PAK3: variants seen among roughly 807,000 people sequenced by gnomAD.
The protein encoded by PAK3 is serine/threonine-protein kinase PAK 3.
PAK3 carries 4 observed loss-of-function variants against 41.0 expected under a neutral mutation model. The ratio of observed to expected loss-of-function variants is 0.10; its 90% CI spans 0.05 to 0.22. The LOEUF (loss-of-function observed/expected upper bound fraction) is 0.22. PAK3 is among the 10% of genes least tolerant of loss of function. The probability of loss-of-function intolerance (pLI) is 1.00; values close to 1 mark genes in which losing one functional copy is unlikely to be tolerated. For missense variants in PAK3, 205 were observed against 409.9 expected, an observed-to-expected ratio of 0.50 and a Z score of 4.32; for synonymous variants, 146 against 139.6, an observed-to-expected ratio of 1.05 and a Z score of -0.32.
At chrX:111,005,284 CAG>C (rs2091905891) in intron 1 of PAK3, among the ~76,000 whole-genome samples, 1 of 111,332 alleles carries the variant, frequency 9.0e-6, no homozygotes, top group Non-Finnish European at 1.9e-5. Flanking sequence ...GCTTGAGAAA[CAG>C]TGCTGCACCC....
chrX:110,995,405 G>A (rs771478117), intron 1 of PAK3, among the ~76,000 whole-genome samples: 3 of 111,172 alleles, frequency 2.7e-5, no homozygotes, highest in South Asian at 3.9e-4. Flanking sequence ...AAGATTTTCA[G>A]AAACCAATGG....
chrX:111,000,052 C>G (rs1466036307), intron 1 of PAK3, among the ~76,000 whole-genome samples: 3 of 111,699 alleles, frequency 2.7e-5, no homozygotes, highest in African/African-American at 9.8e-5. Flanking sequence ...CACTGGGGCA[C>G]ATACTACTTG....
At chrX:111,061,883 C>T (rs1030451430) in intron 1 of PAK3, among the ~76,000 whole-genome samples, 6 of 110,597 alleles carry the variant, frequency 5.4e-5, no homozygotes, top group Non-Finnish European at 7.6e-5. Flanking sequence ...GGCACAATCA[C>T]GGCTCACTGC....
At chrX:110,955,667 C>T (rs940507881) in intron 1 of PAK3, among the ~76,000 whole-genome samples, 11 of 111,663 alleles carry the variant, frequency 9.9e-5, no homozygotes, top group African/African-American at 3.3e-4. Context: ...AGGGAGAAAC[C>T]AAGAAACTAC....
At chrX:111,066,495 T>C (rs745684061) in intron 1 of PAK3, among the ~76,000 whole-genome samples, 1 of 112,084 alleles carries the variant, frequency 8.9e-6, no homozygotes, top group Non-Finnish European at 1.9e-5. Flanking sequence ...ATGTGGTCCA[T>C]CTTGGAGTAT....
intron 1 of PAK3, among the ~76,000 whole-genome samples, chrX:110,989,184 C>T (rs1325747651): frequency 2.7e-5 from 3 of 111,625 alleles, no homozygotes; most frequent in Non-Finnish European, 5.6e-5. Context: ...AATGTGGTCA[C>T]TTTGCCAGTG....
chrX:111,104,628 C>T (rs1168976598), intron 4 of PAK3, among the ~76,000 whole-genome samples: 3 of 111,834 alleles, frequency 2.7e-5, no homozygotes, highest in Non-Finnish European at 3.8e-5. Context: ...GCCCCTGAAT[C>T]GCTCTTTGGT....
chrX:111,030,403 C>T (rs2092326203), intron 1 of PAK3, among the ~76,000 whole-genome samples: 2 of 111,277 alleles, frequency 1.8e-5, no homozygotes, highest in African/African-American at 6.5e-5. Flanking sequence ...CTTAGTTCAA[C>T]TCAACAATTG....
intron 3 of PAK3, among the ~76,000 whole-genome samples, chrX:111,100,771 T>A (rs1343758002): frequency 9.0e-6 from 1 of 111,333 alleles, no homozygotes; most frequent in Non-Finnish European, 1.9e-5. Flanking sequence ...CAGACAGAGA[T>A]TCTGTCAGGA....
chrX:111,013,480 C>T (rs953168736), intron 1 of PAK3, among the ~76,000 whole-genome samples: 3 of 110,780 alleles, frequency 2.7e-5, no homozygotes, highest in Non-Finnish European at 5.7e-5. Context: ...GCATGTAGAT[C>T]CATGCTTCTT....
intron 1 of PAK3, among the ~76,000 whole-genome samples, chrX:111,051,303 T>G (rs1002988919): frequency 8.9e-6 from 1 of 111,832 alleles, no homozygotes; most frequent in Admixed American, 9.5e-5. Context: ...AATATGAATA[T>G]GAATTTTTTT....
chrX:111,035,334 T>G (rs747248056), intron 1 of PAK3, among the ~76,000 whole-genome samples: 1 of 111,546 alleles, frequency 9.0e-6, no homozygotes, highest in African/African-American at 3.3e-5. Context: ...GTTTCAATTC[T>G]GCACTCTGCG....
intron 1 of PAK3, among the ~76,000 whole-genome samples, chrX:111,074,770 A>G (rs1422793605): frequency 8.9e-6 from 1 of 112,323 alleles, no homozygotes; most frequent in African/African-American, 3.2e-5. Context: ...GACTCATTAA[A>G]TGGTTGTGAC....
intron 11 of PAK3, among the ~76,000 whole-genome samples, chrX:111,176,422 C>T (rs2094405983): frequency 9.0e-6 from 1 of 110,517 alleles, no homozygotes; most frequent in Non-Finnish European, 1.9e-5. Context: ...TTCATAGGTG[C>T]AGCAAACCAC....
intron 1 of PAK3, among the ~76,000 whole-genome samples, chrX:111,010,249 A>G (rs752348677): frequency 8.9e-6 from 1 of 112,152 alleles, no homozygotes; most frequent in Non-Finnish European, 1.9e-5. Context: ...GACATCATGA[A>G]TAATGGCTTC....
intron 1 of PAK3, among the ~76,000 whole-genome samples, chrX:111,005,538 C>A (rs1292477069): frequency 1.8e-5 from 2 of 111,709 alleles, no homozygotes; most frequent in Non-Finnish European, 3.8e-5. Flanking sequence ...CAGCTTGCTA[C>A]ATCTGCTCAC....
chrX:111,070,137 C>CA (rs767187114), intron 1 of PAK3, among the ~76,000 whole-genome samples: 17 of 111,484 alleles, frequency 1.5e-4, no homozygotes, highest in Admixed American at 3.8e-4. Context: ...AACAAACAAA[C>CA]AACAACAACA....
chrX:111,195,807 T>A (rs769336044), intron 14 of PAK3, 35 bp from the exon 15 acceptor site: 1 of 851,271 alleles, frequency 1.2e-6, no homozygotes, highest in Admixed American at 2.2e-5. Flanking sequence ...AAATTATTTG[T>A]GATATAATTA....
intron 4 of PAK3, among the ~76,000 whole-genome samples, chrX:111,121,587 C>A (rs954730494): frequency 8.9e-6 from 1 of 111,807 alleles, no homozygotes; most frequent in Non-Finnish European, 1.9e-5. Flanking sequence ...AATGAGTAGA[C>A]CCCTGTTTTT....
Sources: gnomAD v4.1 joint callset for allele counts (sites outside exome capture counted in the v4.1 genomes callset) on GRCh38, gnomAD v4.1.1 for gene constraint, MANE v1.5 for transcripts, NCBI Gene and HGNC (gene_info 2026-07-23, HGNC 2026-07-21) for gene names.